Variants in XCR1 observed in about 807,000 individuals in gnomAD.
The protein encoded by XCR1 is chemokine XC receptor 1.
For synonymous variants in XCR1, 187 were observed against 188.5 expected (o/e 0.99, Z 0.06); for missense variants, 356 against 424.2 (o/e 0.84, Z 1.41).
intron 1 of XCR1, among the ~76,000 whole-genome samples, chr3:46,026,445 T>G (rs995605779): frequency 6.6e-6 from 1 of 152,188 alleles, no homozygotes; most frequent in Non-Finnish European, 1.5e-5. Context: ...CTCTAAATTA[T>G]ACAACCACCA....
At chr3:46,024,187 G>T in intron 1 of XCR1, 3 of 392,376 alleles carry the variant, frequency 7.6e-6, no homozygotes, top group East Asian at 4.3e-5. Flanking sequence ...GGGAGAAGAG[G>T]AAATAATACA....
At chr3:46,080,548 C>A (rs910494977) in intron 1 of XCR1, among the ~76,000 whole-genome samples, 36 of 152,026 alleles carry the variant, frequency 2.4e-4, no homozygotes, top group Admixed American at 2.4e-3. Context: ...AGTGACAAAG[C>A]GAGACCCTGT....
At chr3:46,062,353 C>T (rs1461228761) in intron 4 of XCR1, among the ~76,000 whole-genome samples, 1 of 152,210 alleles carries the variant, frequency 6.6e-6, no homozygotes, top group African/African-American at 2.4e-5. Context: ...AGTCTCCCCA[C>T]ACCCCCCACT....
chr3:46,018,750 G>T lies in XCR1; in HGVS notation c.*2196C>A, dbSNP rs1412499977. ...ATTGAAGTTGCATCTGGAACTGAAG[G>T]GGAAATGCCTTACAAGCTCTCTCTA... On this transcript the variant is annotated 3_prime_UTR_variant, in exon 2 of 2. Coordinates refer to ENST00000309285, the MANE Select transcript of XCR1 (RefSeq NM_001024644.2). The T allele has an allele frequency of 6.6e-6, 1 of 152,190 alleles. No homozygotes were observed. Among genetic ancestry groups the T allele is most frequent in the African/African-American group, 2.4e-5 (1 of 41,436 alleles). 9.4% of individuals were successfully genotyped at this position (152,190 alleles called of 1,614,324 possible).
intron 5 of XCR1, among the ~76,000 whole-genome samples, chr3:46,042,269 A>G (rs932945312): frequency 6.6e-6 from 1 of 152,214 alleles, no homozygotes; most frequent in African/African-American, 2.4e-5. Flanking sequence ...AGGAACTAGA[A>G]AAAGAAGAGC....
chr3:46,064,165 G>A (rs1386987355), intron 4 of XCR1, among the ~76,000 whole-genome samples: 1 of 152,134 alleles, frequency 6.6e-6, no homozygotes, highest in African/African-American at 2.4e-5. Flanking sequence ...AAGCCAATGT[G>A]TCTGGCCCCT....
At chr3:46,023,789 A>G (rs1223532641) in intron 1 of XCR1, 3 of 1,542,032 alleles carry the variant, frequency 1.9e-6, no homozygotes, top group Non-Finnish European at 2.7e-6. Flanking sequence ...GAAGATGATA[A>G]AACAATTATA....
intron 3 of XCR1, among the ~76,000 whole-genome samples, chr3:46,073,955 A>G (rs1698208365): frequency 6.6e-6 from 1 of 151,912 alleles, no homozygotes; most frequent in Non-Finnish European, 1.5e-5. Context: ...AGAAAAGGGA[A>G]CTCTTATACA....
At chr3:46,041,766 T>C (rs1697540883) in intron 5 of XCR1, among the ~76,000 whole-genome samples, 1 of 152,236 alleles carries the variant, frequency 6.6e-6, no homozygotes, top group African/African-American at 2.4e-5. Flanking sequence ...AAGTATCAAA[T>C]AACTGAAGCT....
chr3:46,022,626 C>G (rs1447689788), intron 1 of XCR1, among the ~76,000 whole-genome samples: 1 of 152,204 alleles, frequency 6.6e-6, no homozygotes, highest in Non-Finnish European at 1.5e-5. Context: ...CTTTAGAATG[C>G]CCTTCCTTGG....
chr3:46,022,231 G>A (rs914910020), intron 1 of XCR1: 9 of 352,284 alleles, frequency 2.6e-5, no homozygotes, highest in African/African-American at 1.7e-4. Context: ...CTTGAGCCCA[G>A]GAGGGCGAGA....
intron 1 of XCR1, among the ~76,000 whole-genome samples, chr3:46,026,414 A>T (rs1708288515): frequency 6.6e-6 from 1 of 152,146 alleles, no homozygotes; most frequent in South Asian, 2.1e-4. Flanking sequence ...ACTGTAATAT[A>T]ATTTAGATTG....
At chr3:46,064,878 G>C (rs1698033603) in intron 4 of XCR1, among the ~76,000 whole-genome samples, 1 of 152,112 alleles carries the variant, frequency 6.6e-6, no homozygotes, top group South Asian at 2.1e-4. Flanking sequence ...GATCACCTGA[G>C]GTTGGGAGTT....
rs1575406806 is a variant in XCR1 at position 46,021,974 on chromosome 3, A to C, written c.-27T>G. 1.1e-5 allele frequency: 18 copies of C among 1,582,284 alleles called. No homozygotes were observed. The highest frequency in any genetic ancestry group is 1.5e-5 in the Non-Finnish European group (17 of 1,165,244). On this transcript the variant is annotated 5_prime_UTR_variant, in exon 2 of 2. Coordinates refer to ENST00000309285, the MANE Select transcript of XCR1 (RefSeq NM_001024644.2). This position sits in a 1 kb window ranked among gnomAD's most constrained non-coding sequence, Gnocchi z 4.7. ...TGGACCAGATGGCAGGGACGTTTAG[A>C]GCATCTGAAATGATAGAGACATGGA...
intron 5 of XCR1, among the ~76,000 whole-genome samples, chr3:46,037,563 G>A (rs972656349): frequency 2.6e-5 from 4 of 152,178 alleles, no homozygotes; most frequent in African/African-American, 9.6e-5. Flanking sequence ...GATGGTCTAT[G>A]TAAGTCATAT....
intron 5 of XCR1, among the ~76,000 whole-genome samples, chr3:46,036,511 A>G (rs1233895736): frequency 1.3e-5 from 2 of 152,236 alleles, no homozygotes; most frequent in East Asian, 3.8e-4. Flanking sequence ...AAATTAAGTA[A>G]GCCCAAAGTA....
chr3:46,075,295 G>A (rs13098366), intron 2 of XCR1, among the ~76,000 whole-genome samples: 17,529 of 106,738 alleles, frequency 0.16, 1,464 homozygotes, highest in South Asian at 0.39. Flanking sequence ...AGAGCAACTA[G>A]ATGCTCATAG....
intron 5 of XCR1, among the ~76,000 whole-genome samples, chr3:46,038,992 A>C (rs779874525): frequency 6.6e-5 from 10 of 150,990 alleles, no homozygotes; most frequent in Non-Finnish European, 8.9e-5. Context: ...AAAAAAAAAA[A>C]GTGAGACTTT....
intron 1 of XCR1, among the ~76,000 whole-genome samples, chr3:46,082,336 G>A (rs1486604741): frequency 6.6e-6 from 1 of 151,924 alleles, no homozygotes; most frequent in Admixed American, 6.6e-5. Flanking sequence ...CATACTGTGA[G>A]TATCCTCTCT....
Sources: allele counts gnomAD v4.1 joint callset (sites outside exome capture counted in the v4.1 genomes callset), GRCh38; gene constraint gnomAD v4.1.1; non-coding constraint Gnocchi (gnomAD v3.1); transcripts MANE v1.5; gene names NCBI Gene and HGNC (gene_info 2026-07-23, HGNC 2026-07-21).